The following LEMD1 variants were observed in gnomAD, a reference collection of about 807,000 sequenced individuals.
The protein encoded by LEMD1 is LEM domain-containing protein 1.
A neutral mutation model predicts 17.4 loss-of-function variants in LEMD1; 18 were observed. That is an observed-to-expected ratio of 1.04 (90% CI 0.72 to 1.54). The LOEUF is 1.54. Among genes scored for constraint, LEMD1 ranks in the 40% most tolerant of loss-of-function variants. The pLI is 0.00. For missense variants in LEMD1, 195 were observed against 210.4 expected, an observed-to-expected ratio of 0.93 and a Z score of 0.45; for synonymous variants, 88 against 77.8, an observed-to-expected ratio of 1.13 and a Z score of -0.69.
At chr1:205,438,508 G>A (rs1457350364) in intron 1 of LEMD1, among the ~76,000 whole-genome samples, 1 of 152,250 alleles carries the variant, frequency 6.6e-6, no homozygotes, top group African/African-American at 2.4e-5. Context: ...AGGGCCTAGA[G>A]GAGGGCACAG....
At chr1:205,419,496 C>CAAAT in intron 2 of LEMD1, 144 bp from the exon 3 acceptor site, 1 of 914,088 alleles carries the variant, frequency 1.1e-6, no homozygotes, top group Non-Finnish European at 1.6e-6. Flanking sequence ...GACAGGGTCT[C>CAAAT]ACTGTGTCTC....
intron 1 of LEMD1, among the ~76,000 whole-genome samples, chr1:205,440,134 G>C (rs1666269054): frequency 6.6e-6 from 1 of 152,198 alleles, no homozygotes; most frequent in Admixed American, 6.5e-5. Context: ...GTCCAGGAAA[G>C]GGGTCCCTCA....
chr1:205,447,054 G>A (rs1049636852), intron 1 of LEMD1, among the ~76,000 whole-genome samples: 29 of 152,220 alleles, frequency 1.9e-4, no homozygotes, highest in African/African-American at 5.8e-4. Flanking sequence ...ACAACCTCCC[G>A]TCTGGGTACA....
chr1:205,400,507 A>G (rs1664792048), intron 4 of LEMD1, among the ~76,000 whole-genome samples: 1 of 152,198 alleles, frequency 6.6e-6, no homozygotes, highest in African/African-American at 2.4e-5. Flanking sequence ...CATGGCCTCT[A>G]ATACTAATCA....
intron 1 of LEMD1, among the ~76,000 whole-genome samples, chr1:205,430,632 C>T (rs1666111852): frequency 6.6e-6 from 1 of 152,196 alleles, no homozygotes; most frequent in African/African-American, 2.4e-5. Context: ...CGCAGCTCCC[C>T]AGCTAGGTGC....
At chr1:205,420,270 CA>C (rs1665899952) in intron 2 of LEMD1, among the ~76,000 whole-genome samples, 184 bp downstream of exon 2, 1 of 152,168 alleles carries the variant, frequency 6.6e-6, no homozygotes, top group Non-Finnish European at 1.5e-5. Context: ...GTAAGACAAA[CA>C]CCCAATCCTA....
intron 1 of LEMD1, among the ~76,000 whole-genome samples, chr1:205,428,353 G>A (rs568772582): frequency 7.2e-5 from 11 of 152,080 alleles, no homozygotes. Context: ...TGAGAGGAAG[G>A]GTGCAGGACT....
chr1:205,442,555 C>G (rs758330904), intron 1 of LEMD1, among the ~76,000 whole-genome samples: 8 of 152,228 alleles, frequency 5.3e-5, no homozygotes, highest in Admixed American at 2.0e-4. Context: ...TCTCCCCTCC[C>G]TCAGCCTCTC....
intron 4 of LEMD1, among the ~76,000 whole-genome samples, chr1:205,412,179 C>T (rs1057100278): frequency 1.3e-5 from 2 of 152,180 alleles, no homozygotes; most frequent in Admixed American, 1.3e-4. Flanking sequence ...GTAGATTACT[C>T]TGCCTCCCTA....
intron 4 of LEMD1, among the ~76,000 whole-genome samples, chr1:205,403,486 C>T (rs1255958517): frequency 1.3e-5 from 2 of 152,088 alleles, no homozygotes; most frequent in Admixed American, 1.3e-4. Flanking sequence ...AGTTTATTTG[C>T]ATAGAGGTGT....
upstream of LEMD1, among the ~76,000 whole-genome samples, chr1:205,425,607 A>G (rs1666044176): frequency 2.6e-5 from 4 of 152,192 alleles, no homozygotes; most frequent in South Asian, 8.3e-4. Flanking sequence ...GAAACGAGTG[A>G]GCCCAGTAGA....
upstream of LEMD1, chr1:205,422,130 T>C (rs989534450): frequency 6.6e-6 from 1 of 152,204 alleles, no homozygotes; most frequent in Admixed American, 6.6e-5. Context: ...CAGTGTGACA[T>C]CAGTAACCCC....
intron 5 of LEMD1, 45 bp from the exon 6 acceptor site, chr1:205,381,901 G>T: frequency 6.3e-7 from 1 of 1,589,922 alleles, no homozygotes; most frequent in Non-Finnish European, 8.6e-7. Context: ...CAGCTGTGGT[G>T]CACTTGAGTA....
At chr1:205,433,095 C>T (rs1381976183) in intron 1 of LEMD1, among the ~76,000 whole-genome samples, 1 of 152,226 alleles carries the variant, frequency 6.6e-6, no homozygotes, top group Non-Finnish European at 1.5e-5. Context: ...TCTCTCAGGA[C>T]TCTGAAGCCC....
chr1:205,407,259 G>A (rs956431071), intron 4 of LEMD1, among the ~76,000 whole-genome samples: 3 of 151,540 alleles, frequency 2.0e-5, no homozygotes, highest in Admixed American at 6.6e-5. Flanking sequence ...GAACCTGGGA[G>A]GGGGAGGTTG....
intron 1 of LEMD1, among the ~76,000 whole-genome samples, chr1:205,444,187 C>G (rs1000000971): frequency 6.6e-6 from 1 of 152,014 alleles, no homozygotes; most frequent in South Asian, 2.1e-4. Context: ...GAAAAACAGC[C>G]CCCAGAAAAA....
At chr1:205,420,414 T>C (rs1402680205) in intron 2 of LEMD1, 41 bp downstream of exon 2, 1 of 1,454,738 alleles carries the variant, frequency 6.9e-7, no homozygotes, top group South Asian at 1.1e-5. Flanking sequence ...TTATAAACCA[T>C]AAATGACAAG....
intron 4 of LEMD1, among the ~76,000 whole-genome samples, chr1:205,402,838 T>C (rs996822744): frequency 2.1e-4 from 32 of 151,808 alleles, no homozygotes; most frequent in African/African-American, 7.8e-4. Context: ...GCTGTGGGTT[T>C]GTCATAGATA....
At chr1:205,393,726 G>C (rs981476064) in intron 4 of LEMD1, among the ~76,000 whole-genome samples, 1 of 151,836 alleles carries the variant, frequency 6.6e-6, no homozygotes, top group South Asian at 2.1e-4. Context: ...TGTAGAAACT[G>C]CAAACCTCAT....
Sources: gnomAD v4.1 joint callset for allele counts (sites outside exome capture counted in the v4.1 genomes callset) on GRCh38, gnomAD v4.1.1 for gene constraint, MANE v1.5 for transcripts, NCBI Gene and HGNC (gene_info 2026-07-23, HGNC 2026-07-21) for gene names.